SASS6: variants seen among roughly 807,000 people sequenced by gnomAD.
SASS6 encodes the protein spindle assembly abnormal protein 6 homolog.
A neutral mutation model predicts 94.9 loss-of-function variants in SASS6; 59 were observed. The ratio of observed to expected loss-of-function variants is 0.62; its 90% CI spans 0.50 to 0.77. The LOEUF is 0.77. Among genes scored for constraint, SASS6 ranks in the 30% least tolerant of loss-of-function variants. SASS6 has a pLI of 0.00. For missense variants in SASS6, 698 were observed against 734.1 expected, an observed-to-expected ratio of 0.95 and a Z score of 0.57; for synonymous variants, 264 against 270.0, an observed-to-expected ratio of 0.98 and a Z score of 0.22.
chr1:100,122,453 A>T lies in SASS6; in HGVS notation c.238T>A (p.Phe80Ile). ...LKFQQGLLVD[F>I]LAFPQKFIDL... ...ATAAATTTTTGTGGGAAAGCTAAGAAGTCTACCAGAAGACCTTGCTGGAAT... is the reference window on the plus strand; with the variant it reads ...ATAAATTTTTGTGGGAAAGCTAAGATGTCTACCAGAAGACCTTGCTGGAAT... The change falls in exon 4 of 17, where the codon TTC becomes ATC. Residue 80 changes from phenylalanine (F) to isoleucine (I), a missense_variant. Coordinates refer to ENST00000287482, the MANE Select transcript of SASS6 (RefSeq NM_194292.3). 6.4e-7 allele frequency: 1 copy of T among 1,568,482 alleles called. No individual in the cohort carries two copies. Among genetic ancestry groups the T allele is most frequent in the Non-Finnish European group, 8.8e-7 (1 of 1,140,418 alleles).
rs1304404718 is a variant in SASS6, at chr1:100,083,889, ACATAGTATTTACAACAAAGCCCCTTC to A, written c.*1413_*1438del. 1.3e-5 allele frequency: 2 copies of A among 152,038 alleles called. No homozygotes were observed. The highest frequency in any genetic ancestry group is 6.6e-5 in the Admixed American group (1 of 15,266). 9.4% of individuals were successfully genotyped at this position (152,038 alleles called of 1,614,324 possible). ...CATGTCACAATATTTTATATATATT[ACATAGTATTTACAACAAAGCCCCTTC>A]CATAGTATTTACAATAAAGCTCCTT... On this transcript the variant is annotated 3_prime_UTR_variant, in exon 17 of 17. Coordinates refer to ENST00000287482, the MANE Select transcript of SASS6 (RefSeq NM_194292.3).
At position 100,085,262 on chromosome 1, in the gene SASS6, G is replaced by T; in HGVS notation, c.*66C>A. On this transcript the variant is annotated 3_prime_UTR_variant, in exon 17 of 17. Coordinates refer to ENST00000287482, the MANE Select transcript of SASS6 (RefSeq NM_194292.3). ...CTTGCTATTTGAGGATCTGGTTTGT[G>T]TTGACATATTTTTTAAGCACCTGAG... is the stretch of plus-strand genomic sequence containing the variant. The T allele has an allele frequency of 1.0e-6, 1 of 980,822 alleles. No homozygotes were observed. Among genetic ancestry groups the T allele is most frequent in the Non-Finnish European group, 1.7e-6 (1 of 605,004 alleles). 60.8% of individuals were successfully genotyped at this position (980,822 alleles called of 1,614,324 possible).
intron 1 of SASS6, among the ~76,000 whole-genome samples, chr1:100,126,248 C>A (rs1039359707): frequency 1.3e-5 from 2 of 152,088 alleles, no homozygotes; most frequent in African/African-American, 4.8e-5. Flanking sequence ...ACTTTGCGGC[C>A]CTGATTGTAA....
chr1:100,130,121 G>A (rs2101697902), intron 1 of SASS6, among the ~76,000 whole-genome samples: 1 of 152,326 alleles, frequency 6.6e-6, no homozygotes, highest in Admixed American at 6.5e-5. Context: ...GTAAGTGGAA[G>A]AACTGGGACT....
At chr1:100,124,656 C>G (rs1487097513) in intron 2 of SASS6, among the ~76,000 whole-genome samples, 2 of 152,246 alleles carry the variant, frequency 1.3e-5, no homozygotes, top group Admixed American at 1.3e-4. Context: ...GCTGGGATTA[C>G]AGGTGTGAGG....
Position 100,085,096 on chromosome 1 carries a change from C to T in SASS6, c.*232G>A, listed in dbSNP as rs116700712. The T allele has an allele frequency of 9.7e-3, 4,390 of 454,840 alleles. 36 individuals are homozygous for T. The highest frequency in any genetic ancestry group is 0.013 in the Non-Finnish European group (3,364 of 254,068). 28.2% of individuals were successfully genotyped at this position (454,840 alleles called of 1,614,324 possible). On this transcript the variant is annotated 3_prime_UTR_variant, in exon 17 of 17. Transcript: ENST00000287482. ...ATAAAATTCATATTATTCTATAAAA[C>T]GCCATGTTCACAAACCAAAAAATGT...
At chr1:100,094,819 T>A (rs1651999886) in intron 14 of SASS6, among the ~76,000 whole-genome samples, 1 of 146,428 alleles carries the variant, frequency 6.8e-6, no homozygotes, top group African/African-American at 2.5e-5. Flanking sequence ...GGAGCCGAGA[T>A]CACACTACTG....
intron 6 of SASS6, among the ~76,000 whole-genome samples, chr1:100,119,614 G>A (rs1257678046): frequency 6.6e-6 from 1 of 152,168 alleles, no homozygotes; most frequent in East Asian, 1.9e-4. Flanking sequence ...CAGGGCCTGT[G>A]GTAGGTGATT....
Position 100,084,744 on chromosome 1 carries a change from T to G in SASS6, c.*584A>C, listed in dbSNP as rs1228461059. 1 of 152,184 alleles carries G rather than the reference T, an allele frequency of 6.6e-6. No individual in the cohort carries two copies. Among genetic ancestry groups the G allele is most frequent in the Non-Finnish European group, 1.5e-5 (1 of 68,020 alleles). 9.4% of individuals were successfully genotyped at this position (152,184 alleles called of 1,614,324 possible). On this transcript the variant is annotated 3_prime_UTR_variant, in exon 17 of 17. Coordinates refer to ENST00000287482, the MANE Select transcript of SASS6 (RefSeq NM_194292.3). ...ATTATTTTAAGTATATCAAATTTATTTGATTCATCACTAGCAAATTTAAAT... is the reference window on the plus strand; with the variant it reads ...ATTATTTTAAGTATATCAAATTTATGTGATTCATCACTAGCAAATTTAAAT...
At chr1:100,112,213 C>G (rs1371432098) in intron 7 of SASS6, among the ~76,000 whole-genome samples, 1 of 151,762 alleles carries the variant, frequency 6.6e-6, no homozygotes, top group African/African-American at 2.4e-5. Flanking sequence ...AGGCTTAAAT[C>G]AGAAAAGCAC....
At chr1:100,125,554 C>T (rs1338786640) in intron 2 of SASS6, among the ~76,000 whole-genome samples, 3 of 150,862 alleles carry the variant, frequency 2.0e-5, no homozygotes, top group Non-Finnish European at 4.4e-5. Flanking sequence ...TGGTGCATGC[C>T]TGTAGTCCCA....
At chr1:100,098,888 T>G (rs1643930687) in intron 14 of SASS6, among the ~76,000 whole-genome samples, 2 of 152,210 alleles carry the variant, frequency 1.3e-5, no homozygotes, top group African/African-American at 4.8e-5. Context: ...TTTGAACACA[T>G]ATACATATAC....
Position 100,107,841 on chromosome 1 carries a change from T to C in SASS6, c.1025A>G (p.Lys342Arg), listed in dbSNP as rs762549545. 1 of 1,612,598 alleles carries C rather than the reference T, an allele frequency of 6.2e-7. No homozygotes were observed. The highest frequency in any genetic ancestry group is 1.3e-5 in the African/African-American group (1 of 74,890). Residue 342 changes from lysine (K) to arginine (R), a missense_variant, in exon 9 of 17, where the codon AAA becomes AGA. Physicochemically the swap from Lys to Arg is conservative, Grantham distance 26 (BLOSUM62 2). Coordinates refer to ENST00000287482, the MANE Select transcript of SASS6 (RefSeq NM_194292.3). ...KDKDQLVLRT[K>R]EAFDTIQEQK... ...TTCCTGGATTGTATCAAATGCCTCTTTTGTTCTTAAAACAAGCTGGTCCTT... is the reference window on the plus strand; with the variant it reads ...TTCCTGGATTGTATCAAATGCCTCTCTTGTTCTTAAAACAAGCTGGTCCTT...
At chr1:100,112,472 A>G (rs1308469434) in intron 7 of SASS6, among the ~76,000 whole-genome samples, 1 of 152,132 alleles carries the variant, frequency 6.6e-6, no homozygotes, top group Non-Finnish European at 1.5e-5. Context: ...TACTCAGTAT[A>G]TTTTTTTAAA....
intron 6 of SASS6, among the ~76,000 whole-genome samples, chr1:100,119,764 T>C (rs988237919): frequency 5.3e-5 from 8 of 152,162 alleles, no homozygotes; most frequent in African/African-American, 1.2e-4. Context: ...CTGCTCCCCT[T>C]TGCCTTCAGC....
At chr1:100,103,362 C>T (rs1352662952) in intron 13 of SASS6, among the ~76,000 whole-genome samples, 1 of 152,040 alleles carries the variant, frequency 6.6e-6, no homozygotes, top group Non-Finnish European at 1.5e-5. Flanking sequence ...GCTTCTGAAC[C>T]AACTTGTTTC....
intron 14 of SASS6, among the ~76,000 whole-genome samples, chr1:100,093,114 A>G (rs1233425705): frequency 6.6e-6 from 1 of 152,112 alleles, no homozygotes; most frequent in African/African-American, 2.4e-5. Flanking sequence ...AAATAAAAAT[A>G]ATACAAAGAG....
chr1:100,092,207 G>T (rs1013733934), intron 14 of SASS6, among the ~76,000 whole-genome samples: 1 of 151,768 alleles, frequency 6.6e-6, no homozygotes, highest in East Asian at 1.9e-4. Flanking sequence ...CAGAGAAAAT[G>T]ATGCACTAGT....
intron 1 of SASS6, among the ~76,000 whole-genome samples, chr1:100,127,620 T>C (rs1162521153): frequency 1.3e-5 from 2 of 152,242 alleles, no homozygotes; most frequent in Non-Finnish European, 2.9e-5. Flanking sequence ...AACAAGAGAA[T>C]ACACTGTTGC....
Sources: allele counts gnomAD v4.1 joint callset (sites outside exome capture counted in the v4.1 genomes callset), GRCh38; gene constraint gnomAD v4.1.1; transcripts MANE v1.5; gene names NCBI Gene and HGNC (gene_info 2026-07-23, HGNC 2026-07-21).